The following CACNA2D1 variants were observed in gnomAD, a reference collection of about 807,000 sequenced individuals.
CACNA2D1 encodes the protein calcium voltage-gated channel auxiliary subunit alpha2delta 1.
CACNA2D1 carries 53 observed loss-of-function variants against 171.5 expected under a neutral mutation model. The observed-to-expected ratio is 0.31, with a 90% CI of 0.25 to 0.39. The LOEUF is 0.39. Among genes scored for constraint, CACNA2D1 ranks in the 10% least tolerant of loss-of-function variants. The pLI is 1.00. For missense variants in CACNA2D1, 903 were observed against 1,299.8 expected (o/e 0.69, Z 4.69); for synonymous variants, 442 against 443.1 (o/e 1.00, Z 0.03).
chr7:82,037,264 G>C lies in CACNA2D1; in HGVS notation c.1038+813C>G, dbSNP rs988525464. Reference sequence around the variant, plus strand: ...GAGGCCAAGGCGGGTGGATCACCTGGGGTCAGAAGTTCAACACCAGCTTGG... The same window carrying C: ...GAGGCCAAGGCGGGTGGATCACCTGCGGTCAGAAGTTCAACACCAGCTTGG... On this transcript the variant is annotated intron_variant, in intron 11 of 38. Coordinates refer to ENST00000356860, the MANE Select transcript of CACNA2D1 (RefSeq NM_000722.4). Among the ~76,000 whole-genome samples, 10 of 152,056 alleles carry C rather than the reference G, an allele frequency of 6.6e-5. No individual in the cohort carries two copies. In the East Asian group the frequency reaches 1.9e-3, roughly 29 times the overall value.
chr7:82,346,818 T>C (rs2129445560), intron 2 of CACNA2D1, among the ~76,000 whole-genome samples: 1 of 152,266 alleles, frequency 6.6e-6, no homozygotes, highest in South Asian at 2.1e-4. Flanking sequence ...CTCACCTTGT[T>C]TATGTGGGGA....
At chr7:82,401,272 C>G (rs1314317625) in intron 1 of CACNA2D1, among the ~76,000 whole-genome samples, 1 of 151,962 alleles carries the variant, frequency 6.6e-6, no homozygotes, top group African/African-American at 2.4e-5. Context: ...TTTATTGCAG[C>G]ACTATTCACA....
At chr7:82,425,949 C>T (rs894510569) in intron 1 of CACNA2D1, among the ~76,000 whole-genome samples, 11 of 150,666 alleles carry the variant, frequency 7.3e-5, no homozygotes, top group African/African-American at 2.2e-4. Flanking sequence ...GCCAAGATGG[C>T]GAAACCCCGT....
intron 18 of CACNA2D1, among the ~76,000 whole-genome samples, chr7:82,002,031 A>C (rs1407065872): frequency 6.7e-6 from 1 of 150,130 alleles, no homozygotes; most frequent in Non-Finnish European, 1.5e-5. Context: ...CAAAAAAAAA[A>C]AAAAAAAAAA....
At chr7:82,336,455 G>A (rs2129444484) in intron 2 of CACNA2D1, among the ~76,000 whole-genome samples, 1 of 152,160 alleles carries the variant, frequency 6.6e-6, no homozygotes, top group African/African-American at 2.4e-5. Flanking sequence ...ATCAATTTTT[G>A]CTCCTAAAAG....
At chr7:82,110,570 C>G (rs1455218663) in intron 6 of CACNA2D1, among the ~76,000 whole-genome samples, 1 of 152,188 alleles carries the variant, frequency 6.6e-6, no homozygotes, top group African/African-American at 2.4e-5. Flanking sequence ...GTCCATAGGG[C>G]TGTGGCTGAC....
chr7:82,016,507 A>C (rs972513308), intron 12 of CACNA2D1, among the ~76,000 whole-genome samples: 3 of 151,974 alleles, frequency 2.0e-5, no homozygotes, highest in African/African-American at 7.2e-5. Context: ...ATGTCTCAGA[A>C]AGGCAAGCAC....
At chr7:82,046,218 G>A (rs1420987551) in intron 10 of CACNA2D1, among the ~76,000 whole-genome samples, 1 of 152,074 alleles carries the variant, frequency 6.6e-6, no homozygotes, top group Middle Eastern at 3.4e-3. Flanking sequence ...TAAAAGTACT[G>A]CTAGTTAATT....
At position 82,133,800 on chromosome 7, in the gene CACNA2D1, C is replaced by T. The variant is rs145943332; in HGVS notation, c.396+2835G>A. Among the ~76,000 whole-genome samples the T allele has an allele frequency of 3.3e-5, 5 of 152,250 alleles. No homozygotes were observed. In the East Asian group the frequency reaches 7.7e-4, roughly 24 times the overall value. On this transcript the variant is annotated intron_variant, in intron 5 of 38. Transcript: ENST00000356860. ...TTAAAGAATCATGCAGGGCCGGGCA[C>T]GGTGGCTCACGCCTGTAATCCCAGC...
At chr7:82,107,455 G>C (rs1043610974) in intron 6 of CACNA2D1, among the ~76,000 whole-genome samples, 6 of 152,014 alleles carry the variant, frequency 3.9e-5, no homozygotes, top group Non-Finnish European at 8.8e-5. Flanking sequence ...TCCCTAGTTT[G>C]GGCAAAATTC....
intron 6 of CACNA2D1, among the ~76,000 whole-genome samples, chr7:82,100,299 T>G (rs1812519390): frequency 6.6e-6 from 1 of 152,170 alleles, no homozygotes; most frequent in Non-Finnish European, 1.5e-5. Context: ...CCCTGTGATC[T>G]TTTCTACTTC....
chr7:82,019,382 C>T (rs1323787332), intron 12 of CACNA2D1, among the ~76,000 whole-genome samples: 3 of 152,102 alleles, frequency 2.0e-5, no homozygotes, highest in South Asian at 2.1e-4. Flanking sequence ...TATAAACTTA[C>T]ATAATTTTAC....
intron 18 of CACNA2D1, among the ~76,000 whole-genome samples, chr7:81,999,435 A>G (rs1205139250): frequency 6.6e-6 from 1 of 152,194 alleles, no homozygotes; most frequent in East Asian, 1.9e-4. Context: ...AAATTTGGTT[A>G]TCAATGGAAA....
intron 3 of CACNA2D1, among the ~76,000 whole-genome samples, chr7:82,314,136 GA>G (rs1814807040): frequency 6.6e-6 from 1 of 152,032 alleles, no homozygotes; most frequent in Non-Finnish European, 1.5e-5. Flanking sequence ...TTTTATATCT[GA>G]ATCCCAAAGG....
chr7:82,308,520 A>G (rs1440606831), intron 3 of CACNA2D1, among the ~76,000 whole-genome samples: 1 of 152,172 alleles, frequency 6.6e-6, no homozygotes, highest in Non-Finnish European at 1.5e-5. Context: ...ACAGAAACTT[A>G]AAAAGCCACC....
chr7:82,108,120 G>T lies in CACNA2D1; in HGVS notation c.526+8924C>A, dbSNP rs189988275. 3.3e-3 allele frequency among the ~76,000 whole-genome samples: 496 copies of T among 152,236 alleles called. 2 individuals carry two copies. The highest frequency in any genetic ancestry group is 0.015 in the South Asian group (70 of 4,824). ...ATAAATGGTATCAAATTTAGAATATGCCCATTTCTTAATATACAGCTATCT... is the reference window on the plus strand; with the variant it reads ...ATAAATGGTATCAAATTTAGAATATTCCCATTTCTTAATATACAGCTATCT... On this transcript the variant is annotated intron_variant, in intron 6 of 38. Coordinates refer to ENST00000356860, the MANE Select transcript of CACNA2D1 (RefSeq NM_000722.4).
intron 6 of CACNA2D1, among the ~76,000 whole-genome samples, chr7:82,090,134 G>T (rs1217466649): frequency 6.6e-6 from 1 of 152,012 alleles, no homozygotes; most frequent in Non-Finnish European, 1.5e-5. Context: ...GAAGTTGGGG[G>T]AATTAATTTA....
chr7:82,139,665 G>T (rs889293570), intron 4 of CACNA2D1, among the ~76,000 whole-genome samples: 5 of 151,956 alleles, frequency 3.3e-5, no homozygotes, highest in Non-Finnish European at 7.4e-5. Context: ...AATTCCAAAC[G>T]CTGAGTTTTT....
At chr7:82,003,272 GTCTT>G (rs1798784717) in intron 18 of CACNA2D1, among the ~76,000 whole-genome samples, 1 of 151,912 alleles carries the variant, frequency 6.6e-6, no homozygotes, top group Non-Finnish European at 1.5e-5. Context: ...TTTTGGAAAT[GTCTT>G]TCTGTTACAT....
Sources: gnomAD v4.1 joint callset for allele counts (sites outside exome capture counted in the v4.1 genomes callset) on GRCh38, gnomAD v4.1.1 for gene constraint, MANE v1.5 for transcripts, NCBI Gene and HGNC (gene_info 2026-07-23, HGNC 2026-07-21) for gene names.